AMBRA1: variants seen among roughly 807,000 people sequenced by gnomAD.
The protein encoded by AMBRA1 is autophagy and beclin 1 regulator 1, also known as activating molecule in BECN1-regulated autophagy protein 1.
A neutral mutation model predicts 125.4 loss-of-function variants in AMBRA1; 47 were observed. The observed-to-expected ratio is 0.37, with a 90% CI of 0.30 to 0.48. The LOEUF is 0.48. Ranked by LOEUF, AMBRA1 falls within the 20% of genes least tolerant of loss-of-function variation. The pLI is 0.99. For missense variants in AMBRA1, 1,331 were observed against 1,693.4 expected (o/e 0.79, Z 3.76); for synonymous variants, 626 against 655.5 (o/e 0.95, Z 0.69).
At position 46,410,156 on chromosome 11, in the gene AMBRA1, G is replaced by A. The variant is rs960936614; in HGVS notation, c.3209+120C>T. 5 of 825,748 alleles carry A rather than the reference G, an allele frequency of 6.1e-6. No homozygotes were observed. In the East Asian group the frequency reaches 9.7e-5, roughly 16 times the overall value. The allele number at this position is 825,748 out of a possible 1,614,324, so 51.2% of individuals were successfully genotyped here. ...AAACTGTACACAAAAGATCAAGGAG[G>A]TGCTGCTCTGGTTGAGGAGGGACCC... On this transcript the variant is annotated intron_variant, in intron 16 of 17. Transcript: ENST00000683756.
Position 46,571,686 on chromosome 11 carries a change from TC to T in AMBRA1, c.-121+22141del, listed in dbSNP as rs567198362. 3.2e-3 allele frequency among the ~76,000 whole-genome samples: 395 copies of T among 125,184 alleles called. 2 individuals carry two copies. Among genetic ancestry groups the T allele is most frequent in the African/African-American group, 0.012 (365 of 31,524 alleles). The allele number at this position is 125,184 out of a possible 152,430, so 82.1% of individuals were successfully genotyped here. ...ATGAGTCCGTGTCTCAATCAATCAA[TC>T]TTTTTTTTTTTTTTTTTTTGAGACA... On this transcript the variant is annotated intron_variant, in intron 1 of 17. Transcript: ENST00000683756.
intron 14 of AMBRA1, chr11:46,428,525 C>T: frequency 1.2e-6 from 1 of 848,658 alleles, no homozygotes; most frequent in South Asian, 1.5e-5. Flanking sequence ...GATTCAAGTT[C>T]CTAGTGCCTC....
At chr11:46,477,082 G>A (rs1006371904) in intron 11 of AMBRA1, among the ~76,000 whole-genome samples, 2 of 148,166 alleles carry the variant, frequency 1.3e-5, no homozygotes, top group Non-Finnish European at 1.5e-5. Flanking sequence ...CTGCACTCCA[G>A]CCTGGGCAAG....
chr11:46,548,124 A>G, intron 2 of AMBRA1, 122 bp downstream of exon 2: 1 of 1,408,880 alleles, frequency 7.1e-7, no homozygotes, highest in Non-Finnish European at 9.7e-7. Flanking sequence ...TCCCTAAGTC[A>G]GATATGTCAA....
chr11:46,471,577 A>C (rs192964372), intron 11 of AMBRA1, among the ~76,000 whole-genome samples: 18 of 151,048 alleles, frequency 1.2e-4, no homozygotes, highest in Admixed American at 8.6e-4. Context: ...TATTCCTTTA[A>C]GAGTATTTTG....
chr11:46,521,620 T>C (rs77040995), intron 7 of AMBRA1, among the ~76,000 whole-genome samples: 1,775 of 152,378 alleles, frequency 0.012, 29 homozygotes, highest in African/African-American at 0.041. Flanking sequence ...GATTTCCAAA[T>C]TGACATCTCT....
intron 1 of AMBRA1, among the ~76,000 whole-genome samples, chr11:46,590,912 C>CAA (rs554383816): frequency 2.3e-4 from 18 of 76,708 alleles, no homozygotes; most frequent in African/African-American, 6.9e-4. Context: ...GACTCCATCT[C>CAA]AAAAAAAAAA....
chr11:46,585,231 T>A (rs908538484), intron 1 of AMBRA1, among the ~76,000 whole-genome samples: 3 of 152,110 alleles, frequency 2.0e-5, no homozygotes, highest in African/African-American at 7.2e-5. Context: ...CGCAGGGTCC[T>A]CTGCCTAGGA....
chr11:46,467,566 T>TG (rs1949384072), intron 11 of AMBRA1, among the ~76,000 whole-genome samples: 2 of 150,654 alleles, frequency 1.3e-5, no homozygotes, highest in African/African-American at 4.9e-5. Flanking sequence ...TTTTTTTTTT[T>TG]GGGATGGAGT....
At chr11:46,544,374 G>A (rs1952897304) in intron 5 of AMBRA1, among the ~76,000 whole-genome samples, 1 of 152,122 alleles carries the variant, frequency 6.6e-6, no homozygotes, top group Non-Finnish European at 1.5e-5. Flanking sequence ...CTCATACTCT[G>A]CCACAGAATC....
At chr11:46,447,778 A>G (rs573798823) in intron 11 of AMBRA1, among the ~76,000 whole-genome samples, 2 of 145,544 alleles carry the variant, frequency 1.4e-5, no homozygotes, top group East Asian at 2.0e-4. Context: ...ATAGATAGAT[A>G]GTGATGGCAA....
intron 11 of AMBRA1, among the ~76,000 whole-genome samples, chr11:46,464,014 A>T (rs1949216339): frequency 6.6e-6 from 1 of 152,234 alleles, no homozygotes; most frequent in African/African-American, 2.4e-5. Flanking sequence ...CACTCTAGGA[A>T]ATGCCTAGTA....
intron 14 of AMBRA1, among the ~76,000 whole-genome samples, chr11:46,424,839 A>AC (rs1590769186): frequency 6.6e-6 from 1 of 152,160 alleles, no homozygotes; most frequent in East Asian, 1.9e-4. Flanking sequence ...GTCTTAAAAA[A>AC]AATTTTAAAC....
chr11:46,414,606 A>C (rs981418740), intron 15 of AMBRA1, among the ~76,000 whole-genome samples: 2 of 152,160 alleles, frequency 1.3e-5, no homozygotes, highest in African/African-American at 4.8e-5. Flanking sequence ...GCACCCCCTC[A>C]TATCAACCTG....
intron 12 of AMBRA1, among the ~76,000 whole-genome samples, chr11:46,441,886 T>C (rs1948025358): frequency 6.7e-6 from 1 of 149,180 alleles, no homozygotes; most frequent in Non-Finnish European, 1.5e-5. Context: ...ACGAGATTTA[T>C]ACTATGGAGG....
In AMBRA1 at chr11:46,543,375, G is replaced by A. The variant is rs1952847692; in HGVS notation, c.642C>T (p.Pro214=). 1 of 1,613,898 alleles carries A rather than the reference G, an allele frequency of 6.2e-7. No individual in the cohort carries two copies. The highest frequency in any genetic ancestry group is 2.2e-5 in the East Asian group (1 of 44,872). Residue 214 remains proline (P), a synonymous_variant, in exon 7 of 18, where the codon CCC becomes CCT. Coordinates refer to ENST00000683756, the MANE Select transcript of AMBRA1 (RefSeq NM_001387011.1). Reference sequence around the variant, plus strand: ...AGTGGGATAATTCTGTTCCATCTATGGGGATCTCTGGTTCGTCATCACCCT... The same window carrying A: ...AGTGGGATAATTCTGTTCCATCTATAGGGATCTCTGGTTCGTCATCACCCT... The part of the protein sequence containing the change: ...NQQGDDEPEI[P]IDGTELSHYR...
At position 46,408,700 on chromosome 11, in the gene AMBRA1, G is replaced by A; in HGVS notation, c.3216C>T (p.Ser1072=). The part of the protein sequence containing the change: ...NSRSSERPGT[S]RATWRTDRDM... ...CTCTGTCTGTCCTCCATGTGGCTCT[G>A]CTGGTTCTAGGGAGAGAAAGGCAGA... The change falls in exon 17 of 18, where the codon AGC becomes AGT. Residue 1072 remains serine (S), a synonymous_variant. Coordinates refer to ENST00000683756, the MANE Select transcript of AMBRA1 (RefSeq NM_001387011.1). 1.3e-6 allele frequency: 2 copies of A among 1,546,284 alleles called. No individual in the cohort carries two copies. The highest frequency in any genetic ancestry group is 8.8e-7 in the Non-Finnish European group (1 of 1,141,744).
intron 17 of AMBRA1, among the ~76,000 whole-genome samples, chr11:46,401,755 G>A (rs144090380): frequency 6.6e-6 from 1 of 152,318 alleles, no homozygotes; most frequent in African/African-American, 2.4e-5. Flanking sequence ...TGGGCTTCTT[G>A]CTTCCAGTCT....
chr11:46,529,680 GCTGA>G (rs769827829), intron 7 of AMBRA1, among the ~76,000 whole-genome samples: 8 of 152,314 alleles, frequency 5.3e-5, no homozygotes, highest in African/African-American at 9.6e-5. Context: ...CTCAATTCCT[GCTGA>G]CTGTTAGGTG....
Sources: gnomAD v4.1 joint callset for allele counts (sites outside exome capture counted in the v4.1 genomes callset) on GRCh38, gnomAD v4.1.1 for gene constraint, MANE v1.5 for transcripts, NCBI Gene and HGNC (gene_info 2026-07-23, HGNC 2026-07-21) for gene names.